MMS22L: variants seen among roughly 807,000 people sequenced by gnomAD.
The protein encoded by MMS22L is protein MMS22-like.
Under a neutral mutation model 159.1 loss-of-function variants are expected in MMS22L, and 74 were observed. That is an observed-to-expected ratio of 0.47 (90% confidence interval 0.39 to 0.56). MMS22L has a LOEUF of 0.56. MMS22L is among the 20% of genes least tolerant of loss of function. The pLI is 0.00. For missense variants in MMS22L, 1,351 were observed against 1,422.1 expected, an observed-to-expected ratio of 0.95 and a Z score of 0.80; for synonymous variants, 517 against 506.9, an observed-to-expected ratio of 1.02 and a Z score of -0.27.
At chr6:97,192,732 T>C (rs932220955) in intron 14 of MMS22L, among the ~76,000 whole-genome samples, 2 of 152,212 alleles carry the variant, frequency 1.3e-5, no homozygotes, top group African/African-American at 4.8e-5. Flanking sequence ...ACATATTCAA[T>C]AAAGAGTAAC....
intron 10 of MMS22L, among the ~76,000 whole-genome samples, chr6:97,252,472 C>T (rs1310623206): frequency 1.3e-5 from 2 of 151,706 alleles, no homozygotes; most frequent in Non-Finnish European, 2.9e-5. Flanking sequence ...TGGTGAAACC[C>T]CATCTCTACT....
Position 97,145,525 on chromosome 6 carries a change from TC to T in MMS22L, c.*1280del, listed in dbSNP as rs1348522707. The T allele has an allele frequency of 1.3e-5, 2 of 152,188 alleles. No individual in the cohort carries two copies. The highest frequency in any genetic ancestry group is 2.4e-5 in the African/African-American group (1 of 41,438). 9.4% of individuals were successfully genotyped at this position (152,188 alleles called of 1,614,324 possible). On this transcript the variant is annotated 3_prime_UTR_variant, in exon 25 of 25. Coordinates refer to ENST00000683635, the MANE Select transcript of MMS22L (RefSeq NM_001350599.2). ...AGAAAACATTGGAAAGTGGGATCAT[TC>T]ATCTGGGACATATCATTAGAGAAAG... is the stretch of plus-strand genomic sequence containing the variant.
intron 14 of MMS22L, among the ~76,000 whole-genome samples, chr6:97,192,304 T>C (rs1469311995): frequency 6.6e-6 from 1 of 152,188 alleles, no homozygotes; most frequent in Non-Finnish European, 1.5e-5. Context: ...TACCGTCACA[T>C]ATAATTACAG....
In MMS22L at chr6:97,272,847, G is replaced by A; in HGVS notation, c.463C>T (p.Pro155Ser). ...LKVQNAESHV[P>S]VHPYEALEAQ... ...TCCAAAGCCTCATAAGGATGGACAG[G>A]AACATGACTCTCAGCATTCTGTACT... The change falls in exon 6 of 25, where the codon CCT (proline) becomes TCT (serine). Residue 155 changes from proline (P) to serine (S), a missense_variant. Transcript: ENST00000683635. 1.2e-6 allele frequency: 2 copies of A among 1,613,604 alleles called. No individual in the cohort carries two copies. Among genetic ancestry groups the A allele is most frequent in the Non-Finnish European group, 1.7e-6 (2 of 1,179,890 alleles).
chr6:97,266,515 A>G (rs1412027571), intron 8 of MMS22L: 4 of 152,218 alleles, frequency 2.6e-5, no homozygotes, highest in Non-Finnish European at 5.9e-5. Context: ...TCTGAGAAGC[A>G]CGTCTTTAGG....
At chr6:97,231,225 T>C in intron 13 of MMS22L, 4 of 526,262 alleles carry the variant, frequency 7.6e-6, no homozygotes, top group Non-Finnish European at 3.4e-6. Flanking sequence ...ACAAAAGTTT[T>C]ATATGTTGAA....
intron 22 of MMS22L, among the ~76,000 whole-genome samples, chr6:97,159,069 G>T (rs1391143445): frequency 6.6e-6 from 1 of 151,046 alleles, no homozygotes; most frequent in Admixed American, 6.6e-5. Flanking sequence ...TAATGGCCTT[G>T]TCTCTTTTGA....
intron 14 of MMS22L, among the ~76,000 whole-genome samples, chr6:97,215,140 C>T (rs911136854): frequency 8.9e-5 from 13 of 145,728 alleles, no homozygotes; most frequent in Non-Finnish European, 1.3e-4. Flanking sequence ...GTTTCACTAG[C>T]GGCTGTTCAC....
intron 11 of MMS22L, among the ~76,000 whole-genome samples, chr6:97,243,630 G>A (rs1812317099): frequency 1.3e-5 from 2 of 152,126 alleles, no homozygotes; most frequent in African/African-American, 2.4e-5. Flanking sequence ...GTGAGCTAGT[G>A]TGATCTTGTG....
At chr6:97,254,823 T>G in intron 9 of MMS22L, 90 bp from the exon 10 acceptor site, 2 of 1,029,702 alleles carry the variant, frequency 1.9e-6, no homozygotes, top group Non-Finnish European at 2.7e-6. Flanking sequence ...ATGAAGCATA[T>G]ATACAAAAGA....
At position 97,272,875 on chromosome 6, in the gene MMS22L, C is replaced by T. The variant is rs1248546805; in HGVS notation, c.435G>A (p.Leu145=). The T allele has an allele frequency of 6.2e-7, 1 of 1,610,052 alleles. No homozygotes were observed. Among genetic ancestry groups the T allele is most frequent in the Non-Finnish European group, 8.5e-7 (1 of 1,179,052 alleles). ...HYVKVFIFRY[L]KVQNAESHVP... ...CATGACTCTCAGCATTCTGTACTTT[C>T]AGATACCTAAAAAATAATTAGATAA... The change falls in exon 6 of 25, where the codon CTG becomes CTA. Residue 145 remains leucine (L), a synonymous_variant. Transcript: ENST00000683635.
chr6:97,251,557 C>T (rs1279296083), intron 10 of MMS22L, among the ~76,000 whole-genome samples: 2 of 152,146 alleles, frequency 1.3e-5, no homozygotes, highest in African/African-American at 2.4e-5. Context: ...ATATATATTA[C>T]ACATCCTCAT....
At chr6:97,166,593 A>T (rs542109838) in intron 20 of MMS22L, among the ~76,000 whole-genome samples, 2 of 152,204 alleles carry the variant, frequency 1.3e-5, no homozygotes, top group South Asian at 4.1e-4. Flanking sequence ...AATCAGAAGA[A>T]GATGAAGTAA....
intron 11 of MMS22L, among the ~76,000 whole-genome samples, chr6:97,235,388 A>G (rs2128009447): frequency 6.6e-6 from 1 of 152,360 alleles, no homozygotes; most frequent in East Asian, 1.9e-4. Flanking sequence ...GTCTAGAGTT[A>G]AGGGATTAAA....
At position 97,267,992 on chromosome 6, in the gene MMS22L, T is replaced by C. The variant is rs1273257056; in HGVS notation, c.708A>G (p.Val236=). 2 of 1,562,740 alleles carry C rather than the reference T, an allele frequency of 1.3e-6. No individual in the cohort carries two copies. Among genetic ancestry groups the C allele is most frequent in the African/African-American group, 1.4e-5 (1 of 72,554 alleles). The change falls in exon 8 of 25, where the codon GTA becomes GTG. Residue 236 remains valine, a synonymous_variant. Coordinates refer to ENST00000683635, the MANE Select transcript of MMS22L (RefSeq NM_001350599.2). ...CCAGATTCATAAACTGATGACCATA[T>C]ACAACTTGTTCTGAAAATGTAATAA... ...YMLGEKLKQV[V]YGHQFMNLAS... is the part of the protein sequence containing the mutation.
In MMS22L at chr6:97,254,842, A is replaced by G. The variant is rs1004884077; in HGVS notation, c.943-109T>C. 1.4e-4 allele frequency: 116 copies of G among 819,186 alleles called. No individual in the cohort carries two copies. The East Asian group carries it at 3.3e-3, about 23-fold the overall frequency. 50.7% of individuals were successfully genotyped at this position (819,186 alleles called of 1,614,324 possible). On this transcript the variant is annotated intron_variant, in intron 9 of 24. Transcript: ENST00000683635. ...AGCATATATACAAAAGACAAAACAC[A>G]TATATAAAACTGAAATAATAAAAAT...
chr6:97,242,032 T>C (rs1812132470), intron 11 of MMS22L, among the ~76,000 whole-genome samples: 1 of 152,206 alleles, frequency 6.6e-6, no homozygotes, highest in Admixed American at 6.5e-5. Context: ...ATGGTCTATC[T>C]TGGAGAATGT....
chr6:97,218,008 G>A (rs570709486), intron 14 of MMS22L, among the ~76,000 whole-genome samples: 73 of 152,236 alleles, frequency 4.8e-4, no homozygotes, highest in African/African-American at 1.5e-3. Context: ...GACTGGTTCC[G>A]AAATGTCTCA....
intron 19 of MMS22L, 80 bp from the exon 20 acceptor site, chr6:97,168,320 T>C (rs1803187993): frequency 1.5e-6 from 2 of 1,362,230 alleles, no homozygotes; most frequent in Non-Finnish European, 2.0e-6. Flanking sequence ...AAAATTTGTA[T>C]TGAAAGCACA....
Sources: gnomAD v4.1 joint callset for allele counts (sites outside exome capture counted in the v4.1 genomes callset) on GRCh38, gnomAD v4.1.1 for gene constraint, MANE v1.5 for transcripts, NCBI Gene and HGNC (gene_info 2026-07-23, HGNC 2026-07-21) for gene names.